Variants in ZNF532 observed in about 807,000 individuals in gnomAD.
ZNF532 encodes the protein zinc finger protein 532.
ZNF532 carries 22 observed loss-of-function variants against 89.3 expected under a neutral mutation model. That is an observed-to-expected ratio of 0.25 (90% CI 0.18 to 0.35). ZNF532 has a LOEUF of 0.35. ZNF532 is among the 10% of genes least tolerant of loss of function. The pLI, the probability that ZNF532 is intolerant of heterozygous loss-of-function variation, is 1.00. For missense variants in ZNF532, 1,132 were observed against 1,643.4 expected (o/e 0.69, Z 5.38); for synonymous variants, 606 against 649.6 (o/e 0.93, Z 1.02).
At chr18:58,951,944 T>C (rs1026932049) in intron 6 of ZNF532, among the ~76,000 whole-genome samples, 19 of 152,188 alleles carry the variant, frequency 1.2e-4, no homozygotes, top group Middle Eastern at 3.4e-3. Context: ...CCACTGCGCG[T>C]GGCCCACCTC....
chr18:58,870,678 C>G (rs186580248), intron 2 of ZNF532, among the ~76,000 whole-genome samples: 1 of 152,172 alleles, frequency 6.6e-6, no homozygotes, highest in East Asian at 1.9e-4. Context: ...ACCGGCAATC[C>G]AGGAGAGAAA....
At chr18:58,924,652 TC>T (rs2061390158) in intron 3 of ZNF532, among the ~76,000 whole-genome samples, 1 of 152,144 alleles carries the variant, frequency 6.6e-6, no homozygotes, top group Non-Finnish European at 1.5e-5. Context: ...TTCATCCAGT[TC>T]CCCACAATGG....
At chr18:58,943,361 C>G (rs1249801441) in intron 5 of ZNF532, among the ~76,000 whole-genome samples, 1 of 151,592 alleles carries the variant, frequency 6.6e-6, no homozygotes, top group Admixed American at 6.6e-5. Context: ...GGGGTTTCAC[C>G]ATGTTAGCCA....
rs146391172 is a variant in ZNF532, at chr18:58,916,692, C to G, written c.-17-1579C>G. ...CGCCTTCAACAGTAGTTTTTTCTAACCAAATTCTTCAGTGTGTTTGGATGT... is the reference window on the plus strand; with the variant it reads ...CGCCTTCAACAGTAGTTTTTTCTAAGCAAATTCTTCAGTGTGTTTGGATGT... On this transcript the variant is annotated intron_variant, in intron 2 of 9. Coordinates refer to ENST00000591808, the MANE Select transcript of ZNF532 (RefSeq NM_001375912.1). 146 of 985,320 alleles carry G rather than the reference C, an allele frequency of 1.5e-4. 4 individuals carry two copies. In the East Asian group the frequency reaches 0.015, roughly 99 times the overall value. The allele number at this position is 985,320 out of a possible 1,614,324, so 61.0% of individuals were successfully genotyped here.
intron 3 of ZNF532, chr18:58,932,551 C>T (rs1411558203): frequency 3.9e-5 from 6 of 152,120 alleles, no homozygotes; most frequent in Admixed American, 3.9e-4. Flanking sequence ...ATGGTTTTCC[C>T]TGTGTGTTTT....
intron 3 of ZNF532, among the ~76,000 whole-genome samples, chr18:58,927,930 C>T (rs1008341579): frequency 6.6e-6 from 1 of 152,114 alleles, no homozygotes; most frequent in African/African-American, 2.4e-5. Flanking sequence ...TTCTTAGCCC[C>T]GTCTTTAAAA....
chr18:58,934,695 GTT>G (rs1434125422), intron 4 of ZNF532, 81 bp downstream of exon 4: 1 of 1,386,544 alleles, frequency 7.2e-7, no homozygotes, highest in Non-Finnish European at 9.9e-7. Context: ...TGCACACACA[GTT>G]TTCTGGGTCA....
chr18:58,900,558 C>T (rs375713447), intron 2 of ZNF532, among the ~76,000 whole-genome samples: 6 of 152,176 alleles, frequency 3.9e-5, no homozygotes, highest in African/African-American at 1.4e-4. Flanking sequence ...GACTGACCGT[C>T]CCCACCTCCA....
intron 7 of ZNF532, among the ~76,000 whole-genome samples, chr18:58,960,197 C>T (rs2065216518): frequency 6.6e-6 from 1 of 152,214 alleles, no homozygotes; most frequent in Non-Finnish European, 1.5e-5. Flanking sequence ...GCATGAGCCA[C>T]TGCGCCTGGC....
At chr18:58,893,860 A>G (rs1234343981) in intron 2 of ZNF532, among the ~76,000 whole-genome samples, 1 of 152,168 alleles carries the variant, frequency 6.6e-6, no homozygotes, top group African/African-American at 2.4e-5. Flanking sequence ...ACATGGGGGT[A>G]GAATGGTGAC....
At chr18:58,959,698 G>A (rs374315631) in intron 7 of ZNF532, among the ~76,000 whole-genome samples, 7 of 152,238 alleles carry the variant, frequency 4.6e-5, no homozygotes, top group South Asian at 4.2e-4. Context: ...ATCTTCCAGC[G>A]TCAGCTTCAG....
At chr18:58,892,985 T>TC (rs1344090969) in intron 2 of ZNF532, among the ~76,000 whole-genome samples, 1 of 149,886 alleles carries the variant, frequency 6.7e-6, no homozygotes, top group Non-Finnish European at 1.5e-5. Flanking sequence ...GTACTTTCTT[T>TC]TTTTTTTTTT....
chr18:58,985,200 A>G lies in ZNF532; in HGVS notation c.*734A>G, dbSNP rs188491251. On this transcript the variant is annotated 3_prime_UTR_variant, in exon 10 of 10. Transcript: ENST00000591808. ...GGGGAAGGCTATTCTAAAGAAAAAA[A>G]TGGGATTTGTTTTCTCGGCAGATCT... 1.3e-5 allele frequency: 2 copies of G among 152,346 alleles called. No homozygotes were observed. Among genetic ancestry groups the G allele is most frequent in the South Asian group, 4.1e-4 (2 of 4,830 alleles). The allele number at this position is 152,346 out of a possible 1,614,324, so 9.4% of individuals were successfully genotyped here. A position where few individuals can be genotyped will look rare whatever the true frequency, so the allele number is the denominator to read the frequency against.
intron 2 of ZNF532, among the ~76,000 whole-genome samples, chr18:58,917,704 T>G (rs1380461453): frequency 2.8e-5 from 4 of 144,872 alleles, no homozygotes; most frequent in African/African-American, 7.6e-5. Flanking sequence ...CTCCTTAGGG[T>G]TTTTTTTTTT....
At chr18:58,949,501 C>A (rs1420105554) in intron 6 of ZNF532, among the ~76,000 whole-genome samples, 1 of 152,086 alleles carries the variant, frequency 6.6e-6, no homozygotes, top group Admixed American at 6.6e-5. Context: ...CATGGTGAAA[C>A]CCCGTCTCTA....
chr18:58,920,735 CGTGTG>C (rs1282706054), intron 3 of ZNF532, 102 bp downstream of exon 3: 1 of 409,032 alleles, frequency 2.4e-6, no homozygotes, highest in Non-Finnish European at 4.1e-6. Flanking sequence ...GTGAAATGGA[CGTGTG>C]TGTGTGTGTG....
chr18:58,928,436 G>A (rs2061699789), intron 3 of ZNF532, among the ~76,000 whole-genome samples: 1 of 152,194 alleles, frequency 6.6e-6, no homozygotes, highest in Non-Finnish European at 1.5e-5. Flanking sequence ...ACCCCCAAGA[G>A]CAGGTCTCTG....
At chr18:58,927,911 A>C (rs905021854) in intron 3 of ZNF532, among the ~76,000 whole-genome samples, 1 of 152,154 alleles carries the variant, frequency 6.6e-6, no homozygotes, top group African/African-American at 2.4e-5. Context: ...CACCCAGTGT[A>C]AACTTCCTTT....
chr18:58,876,929 G>A (rs749396489), intron 2 of ZNF532, among the ~76,000 whole-genome samples: 1 of 152,144 alleles, frequency 6.6e-6, no homozygotes, highest in African/African-American at 2.4e-5. Flanking sequence ...CTGTGGTGGT[G>A]TGCACCCGTA....
Sources: gnomAD v4.1 joint callset for allele counts (sites outside exome capture counted in the v4.1 genomes callset) on GRCh38, gnomAD v4.1.1 for gene constraint, MANE v1.5 for transcripts, NCBI Gene and HGNC (gene_info 2026-07-23, HGNC 2026-07-21) for gene names.